The following GNB5 variants were observed in gnomAD, a reference collection of about 807,000 sequenced individuals.
GNB5 encodes the protein guanine nucleotide-binding protein subunit beta-5.
A neutral mutation model predicts 55.3 loss-of-function variants in GNB5; 37 were observed. The ratio of observed to expected loss-of-function variants is 0.67; its 90% CI spans 0.51 to 0.88. GNB5 has a LOEUF of 0.88. GNB5 is among the 40% of genes least tolerant of loss of function. GNB5 has a pLI of 0.00. For missense variants in GNB5, 476 were observed against 515.3 expected (o/e 0.92, Z 0.74); for synonymous variants, 219 against 198.5 (o/e 1.10, Z -0.87).
chr15:52,163,458 C>T (rs1400899040), intron 3 of GNB5, among the ~76,000 whole-genome samples: 2 of 152,198 alleles, frequency 1.3e-5, no homozygotes, highest in East Asian at 1.9e-4. Flanking sequence ...CAGTGGTAGA[C>T]GTTGGAGACG....
chr15:52,118,091 G>A lies in GNB5; in HGVS notation c.*4666C>T, dbSNP rs2033180281. On this transcript the variant is annotated 3_prime_UTR_variant, in exon 13 of 13. Transcript: ENST00000261837. ...CCTAGCCCTTCCGACTGCCTCTCTGGGACTTCCTCCACCGACCGGGGCTGT... is the reference window on the plus strand; with the variant it reads ...CCTAGCCCTTCCGACTGCCTCTCTGAGACTTCCTCCACCGACCGGGGCTGT... 1 of 152,442 alleles carries A rather than the reference G, an allele frequency of 6.6e-6. No homozygotes were observed. The allele number at this position is 152,442 out of a possible 1,614,324, so 9.4% of individuals were successfully genotyped here. A position where few individuals can be genotyped will look rare whatever the true frequency, so the allele number is the denominator to read the frequency against.
At chr15:52,171,165 G>A (rs1418779548) in intron 3 of GNB5, among the ~76,000 whole-genome samples, 1 of 151,358 alleles carries the variant, frequency 6.6e-6, no homozygotes, top group Non-Finnish European at 1.5e-5. Context: ...TTAAAAGTTT[G>A]GAGAATTAAG....
intron 2 of GNB5, among the ~76,000 whole-genome samples, chr15:52,181,524 G>A (rs549036287): frequency 3.3e-5 from 5 of 152,128 alleles, no homozygotes; most frequent in Non-Finnish European, 5.9e-5. Flanking sequence ...GCTGAGGCAC[G>A]AGAATCGCTT....
intron 10 of GNB5, among the ~76,000 whole-genome samples, chr15:52,127,164 A>C (rs1217077421): frequency 2.0e-5 from 3 of 152,164 alleles, no homozygotes; most frequent in Non-Finnish European, 2.9e-5. Context: ...GGTGCCAACT[A>C]TCCTGACCCC....
chr15:52,179,561 C>T lies in GNB5; in HGVS notation c.238+207G>A, dbSNP rs370492743. 6.9e-3 allele frequency among the ~76,000 whole-genome samples: 1,049 copies of T among 151,852 alleles called. 11 individuals are homozygous for T. Among genetic ancestry groups the T allele is most frequent in the African/African-American group, 0.025 (1,017 of 41,496 alleles). On this transcript the variant is annotated intron_variant, in intron 3 of 12. Coordinates refer to ENST00000261837, the MANE Select transcript of GNB5 (RefSeq NM_016194.4). ...GGGTCGGCCAGGTGCCCGGACCCTC[C>T]GAGGGCCCCACCGCCGCGCGTCCCG...
intron 3 of GNB5, among the ~76,000 whole-genome samples, chr15:52,170,726 C>G (rs2034539481): frequency 6.7e-6 from 1 of 149,496 alleles, no homozygotes; most frequent in Admixed American, 6.6e-5. Context: ...AAAAAAAAAA[C>G]CCTCTCAAAC....
chr15:52,130,094 G>A (rs887158425), intron 9 of GNB5, among the ~76,000 whole-genome samples: 7 of 152,196 alleles, frequency 4.6e-5, no homozygotes, highest in African/African-American at 1.7e-4. Flanking sequence ...GGGGGCAGGA[G>A]ACTGAGCACC....
At chr15:52,147,596 T>C in intron 5 of GNB5, 61 bp from the exon 6 acceptor site, 73 of 808,240 alleles carry the variant, frequency 9.0e-5, no homozygotes, top group Middle Eastern at 2.7e-4. Flanking sequence ...TTTTTTTTTC[T>C]TTTTTTTTGA....
intron 3 of GNB5, among the ~76,000 whole-genome samples, chr15:52,157,249 C>T (rs1050982670): frequency 2.8e-4 from 36 of 126,612 alleles, no homozygotes; most frequent in Admixed American, 2.5e-3. Flanking sequence ...TTCTTATAGG[C>T]CTTTTTTTTT....
chr15:52,147,171 T>G lies in GNB5; in HGVS notation c.494+288A>C, dbSNP rs12438274. ...AAAGAGAGTTTTATGGTTTTGTTTT[T>G]TTTTTTTTTTTTTAAAGAGATGGGG... On this transcript the variant is annotated intron_variant, in intron 6 of 12. Coordinates refer to ENST00000261837, the MANE Select transcript of GNB5 (RefSeq NM_016194.4). 36,451 of 213,394 alleles carry G rather than the reference T, an allele frequency of 0.17. 3,111 individuals are homozygous for G. The highest frequency in any genetic ancestry group is 0.29 in the Admixed American group (4,996 of 17,398). 13.2% of individuals were successfully genotyped at this position (213,394 alleles called of 1,614,324 possible).
At chr15:52,150,433 T>G (rs971365125) in intron 4 of GNB5, among the ~76,000 whole-genome samples, 8 of 152,292 alleles carry the variant, frequency 5.3e-5, no homozygotes, top group Non-Finnish European at 1.0e-4. Context: ...CCATTCTCTG[T>G]CCATTTCTCT....
At position 52,163,064 on chromosome 15, in the gene GNB5, C is replaced by G. The variant is rs145068828; in HGVS notation, c.239-8988G>C. Among the ~76,000 whole-genome samples, 24 of 152,136 alleles carry G rather than the reference C, an allele frequency of 1.6e-4. No individual in the cohort carries two copies. The East Asian group carries it at 4.7e-3, about 29-fold the overall frequency. ...AAAGCAGGGTGGGGAGATGGCCCAC[C>G]CGGGGGGCAACACTGAGCCAGGGGA... On this transcript the variant is annotated intron_variant, in intron 3 of 12. Coordinates refer to ENST00000261837, the MANE Select transcript of GNB5 (RefSeq NM_016194.4).
rs2033174527 is a variant in GNB5, at chr15:52,117,758, A to G, written c.*4999T>C. 6.6e-6 allele frequency: 1 copy of G among 152,366 alleles called. No homozygotes were observed. The highest frequency in any genetic ancestry group is 1.5e-5 in the Non-Finnish European group (1 of 68,158). The allele number at this position is 152,366 out of a possible 1,614,324, so 9.4% of individuals were successfully genotyped here. ...TCCTTACAAAGGATCCACAGAGACA[A>G]GATTCACTCGCGGCCTCCCCAGTGG... is the stretch of plus-strand genomic sequence containing the variant. On this transcript the variant is annotated 3_prime_UTR_variant, in exon 13 of 13. Transcript: ENST00000261837.
intron 6 of GNB5, chr15:52,144,367 T>C (rs4238386): frequency 0.79 from 120,712 of 152,272 alleles, 49,314 homozygotes; most frequent in Non-Finnish European, 0.89. Flanking sequence ...CAATATTGGA[T>C]ATTGACAGAT....
At chr15:52,175,717 C>T (rs1023921441) in intron 3 of GNB5, among the ~76,000 whole-genome samples, 3 of 147,466 alleles carry the variant, frequency 2.0e-5, no homozygotes, top group Non-Finnish European at 3.0e-5. Context: ...CTAGCCTGGG[C>T]GACAGAGTGA....
chr15:52,135,832 C>A, intron 7 of GNB5, 76 bp from the exon 8 acceptor site: 9 of 1,319,102 alleles, frequency 6.8e-6, no homozygotes, highest in East Asian at 2.5e-5. Flanking sequence ...AGAGGCTTAA[C>A]GTTCCGCAGG....
Position 52,118,084 on chromosome 15 carries a change from C to T in GNB5, c.*4673G>A, listed in dbSNP as rs1400852250. 1 of 152,506 alleles carries T rather than the reference C, an allele frequency of 6.6e-6. No homozygotes were observed. The highest frequency in any genetic ancestry group is 1.5e-5 in the Non-Finnish European group (1 of 68,264). 9.4% of individuals were successfully genotyped at this position (152,506 alleles called of 1,614,324 possible). On this transcript the variant is annotated 3_prime_UTR_variant, in exon 13 of 13. Transcript: ENST00000261837. ...GCTGGTCCCTAGCCCTTCCGACTGC[C>T]TCTCTGGGACTTCCTCCACCGACCG...
chr15:52,184,589 A>G lies in GNB5; in HGVS notation c.88T>C (p.Ser30Pro), dbSNP rs899018180. The change falls in exon 2 of 13, where the codon TCT (serine) becomes CCT (proline). Residue 30 changes from serine (S) to proline (P), a missense_variant. Transcript: ENST00000261837. Reference sequence around the variant, plus strand: ...GTTGAACAGTAGCTGAGTTGTTGAGACTTCTTGAAAACTGGTCTCAGAGCT... The same window carrying G: ...GTTGAACAGTAGCTGAGTTGTTGAGGCTTCTTGAAAACTGGTCTCAGAGCT... The part of the protein sequence containing the change: ...QRALRPVFKK[S>P]QQLSYCSTCA... 5 of 1,613,470 alleles carry G rather than the reference A, an allele frequency of 3.1e-6. No homozygotes were observed. In the African/African-American group the frequency reaches 6.7e-5, roughly 22 times the overall value.
At chr15:52,131,006 G>A (rs2435086) in intron 9 of GNB5, among the ~76,000 whole-genome samples, 70,157 of 151,942 alleles carry the variant, frequency 0.46, 19,621 homozygotes, top group African/African-American at 0.79. Flanking sequence ...TTGTATTTTT[G>A]GTAGAGACGG....
Sources: gnomAD v4.1 joint callset for allele counts (sites outside exome capture counted in the v4.1 genomes callset) on GRCh38, gnomAD v4.1.1 for gene constraint, MANE v1.5 for transcripts, NCBI Gene and HGNC (gene_info 2026-07-23, HGNC 2026-07-21) for gene names.